Variants in PTPRN2 observed in about 807,000 individuals in gnomAD.
PTPRN2 encodes receptor-type tyrosine-protein phosphatase N2.
PTPRN2 carries 74 observed loss-of-function variants against 118.8 expected under a neutral mutation model. That is an observed-to-expected ratio of 0.62 (90% CI 0.52 to 0.76). The LOEUF (loss-of-function observed/expected upper bound fraction) is 0.76. PTPRN2 is among the 30% of genes least tolerant of loss of function. The probability of loss-of-function intolerance (pLI) is 0.00; values close to 1 mark genes in which losing one functional copy is unlikely to be tolerated. For missense variants in PTPRN2, 1,481 were observed against 1,394.4 expected (o/e 1.06, Z -0.99); for synonymous variants, 641 against 608.0 (o/e 1.05, Z -0.80).
chr7:157,728,618 G>A (rs921674166), intron 12 of PTPRN2, among the ~76,000 whole-genome samples: 1 of 152,252 alleles, frequency 6.6e-6, no homozygotes, highest in Admixed American at 6.5e-5. Flanking sequence ...CTTTTGAAGA[G>A]GTGGGGAAAG....
chr7:157,925,627 G>A (rs1000096299), intron 11 of PTPRN2, among the ~76,000 whole-genome samples: 1 of 152,174 alleles, frequency 6.6e-6, no homozygotes. Flanking sequence ...TGGGGCCACA[G>A]AGTGATGGGC....
chr7:157,816,887 C>G (rs1165686474), intron 12 of PTPRN2, among the ~76,000 whole-genome samples: 1 of 152,226 alleles, frequency 6.6e-6, no homozygotes, highest in Non-Finnish European at 1.5e-5. Flanking sequence ...TCTCTTTACT[C>G]AGGAATATCC....
intron 13 of PTPRN2, among the ~76,000 whole-genome samples, chr7:157,660,347 G>C (rs1453043654): frequency 6.6e-6 from 1 of 152,146 alleles, no homozygotes; most frequent in Non-Finnish European, 1.5e-5. Context: ...TCTGAGCTCT[G>C]TTATTTCCTG....
At chr7:157,542,868 G>A (rs1487284219) in intron 22 of PTPRN2, among the ~76,000 whole-genome samples, 1 of 152,224 alleles carries the variant, frequency 6.6e-6, no homozygotes, top group Non-Finnish European at 1.5e-5. Flanking sequence ...TTCCCGGAGG[G>A]GTGCTGTGAG....
At chr7:157,951,297 G>C (rs185862407) in intron 11 of PTPRN2, among the ~76,000 whole-genome samples, 14 of 152,196 alleles carry the variant, frequency 9.2e-5, no homozygotes, top group Admixed American at 9.2e-4. Flanking sequence ...TCCTTGCAAA[G>C]ATTATTTGGT....
intron 12 of PTPRN2, among the ~76,000 whole-genome samples, chr7:157,839,326 G>A (rs916732620): frequency 6.6e-6 from 1 of 152,210 alleles, no homozygotes; most frequent in African/African-American, 2.4e-5. Flanking sequence ...GTCCATATGT[G>A]TGGCTGCATG....
rs897020107 is a variant in PTPRN2 at position 157,611,924 on chromosome 7, T to G, written c.2345-7849A>C. Among the ~76,000 whole-genome samples, 1 of 152,020 alleles carries G rather than the reference T, an allele frequency of 6.6e-6. No individual in the cohort carries two copies. Among genetic ancestry groups the G allele is most frequent in the Non-Finnish European group, 1.5e-5 (1 of 68,002 alleles). ...GACACGCGGAGGGAGAGCGCCCGTG[T>G]GAAGACGAAGACAGCCGTGGTCGTG... On this transcript the variant is annotated intron_variant, in intron 15 of 22. Transcript: ENST00000389418. This position sits in a 1 kb window ranked among gnomAD's most constrained non-coding sequence, Gnocchi z 5.9.
At position 158,333,773 on chromosome 7, in the gene PTPRN2, C is replaced by G. The variant is rs575579482; in HGVS notation, c.164-16841G>C. ...CATAAGAGCTGACACCCGCAGACAT[C>G]ACTCACACACACACTCTCACCATAA... On this transcript the variant is annotated intron_variant, in intron 2 of 22. Coordinates refer to ENST00000389418, the MANE Select transcript of PTPRN2 (RefSeq NM_002847.5). Among the ~76,000 whole-genome samples the G allele has an allele frequency of 9.7e-4, 144 of 148,574 alleles. 2 individuals are homozygous for G. Among genetic ancestry groups the G allele is most frequent in the African/African-American group, 3.1e-3 (125 of 40,212 alleles).
chr7:158,061,579 CA>C (rs1810344898), intron 11 of PTPRN2, among the ~76,000 whole-genome samples: 1 of 152,216 alleles, frequency 6.6e-6, no homozygotes, highest in Non-Finnish European at 1.5e-5. Flanking sequence ...GTGGTGTCCA[CA>C]ATTACTTGTG....
intron 12 of PTPRN2, among the ~76,000 whole-genome samples, chr7:157,718,776 G>A (rs973114686): frequency 2.6e-5 from 4 of 152,130 alleles, no homozygotes; most frequent in South Asian, 2.1e-4. Flanking sequence ...GTCTCAGCAC[G>A]TCCAGGCGTC....
At chr7:157,656,821 AC>A (rs1806133888) in intron 13 of PTPRN2, among the ~76,000 whole-genome samples, 8 of 59,354 alleles carry the variant, frequency 1.3e-4, no homozygotes, top group Non-Finnish European at 2.8e-4. Flanking sequence ...ACACACATAC[AC>A]ACACACATAT....
At chr7:158,317,544 AACCAC>A (rs1183623008) in intron 2 of PTPRN2, among the ~76,000 whole-genome samples, 1 of 152,242 alleles carries the variant, frequency 6.6e-6, no homozygotes. Context: ...CATCCTTTCC[AACCAC>A]ACCTTCTAAT....
intron 4 of PTPRN2, among the ~76,000 whole-genome samples, chr7:158,201,400 C>G (rs1826639666): frequency 6.6e-6 from 1 of 152,118 alleles, no homozygotes; most frequent in Non-Finnish European, 1.5e-5. Flanking sequence ...TCGTGACTGA[C>G]TTTTCAGTCT....
Position 158,587,643 on chromosome 7 carries a change from C to T in PTPRN2, c.27G>A (p.Leu9=). The T allele has an allele frequency of 7.3e-7, 1 of 1,368,686 alleles. No individual in the cohort carries two copies. The highest frequency in any genetic ancestry group is 9.4e-7 in the Non-Finnish European group (1 of 1,063,754). The allele number at this position is 1,368,686 out of a possible 1,614,324, so 84.8% of individuals were successfully genotyped here. The change falls in exon 1 of 23, where the codon CTG becomes CTA. Residue 9 remains leucine, a synonymous_variant. Coordinates refer to ENST00000389418, the MANE Select transcript of PTPRN2 (RefSeq NM_002847.5). ...GTGGCGGCAGCAGCAGCAGTAGCAG[C>T]AGCAGCAGCGGGAGCGGCGGCCCCA... MGPPLPLL[L]LLLLLLPPRV... is the part of the protein sequence containing the mutation.
At position 157,690,030 on chromosome 7, in the gene PTPRN2, A is replaced by AC. The variant is rs1193115164; in HGVS notation, c.1789-7094dup. On this transcript the variant is annotated intron_variant, in intron 12 of 22. Transcript: ENST00000389418. This position sits in a 1 kb window ranked among gnomAD's most constrained non-coding sequence, Gnocchi z 7.1. ...ACACGCCTCCCATCTCCGTGCCTGC[A>AC]CCCCCCCACCCCCAGCACCCTGCAA... Among the ~76,000 whole-genome samples, 14 of 151,036 alleles carry AC rather than the reference A, an allele frequency of 9.3e-5. No homozygotes were observed. Among genetic ancestry groups the AC allele is most frequent in the East Asian group, 5.9e-4 (3 of 5,098 alleles).
intron 1 of PTPRN2, among the ~76,000 whole-genome samples, chr7:158,579,518 T>C (rs906468937): frequency 1.1e-4 from 16 of 152,338 alleles, no homozygotes; most frequent in African/African-American, 3.4e-4. Context: ...AGAGAGATTA[T>C]AGGTGAAGTC....
intron 2 of PTPRN2, among the ~76,000 whole-genome samples, chr7:158,329,243 G>A (rs1311882760): frequency 1.3e-5 from 2 of 152,196 alleles, no homozygotes; most frequent in Non-Finnish European, 2.9e-5. Flanking sequence ...GAGGTGAGGA[G>A]CAGGCTAGGA....
intron 10 of PTPRN2, among the ~76,000 whole-genome samples, chr7:158,103,870 T>A: frequency 6.7e-6 from 1 of 150,218 alleles, no homozygotes; most frequent in Non-Finnish European, 1.5e-5. Context: ...TTATTATTAT[T>A]TTTTTTTTTT....
chr7:158,475,606 A>G (rs1199792951), intron 2 of PTPRN2, among the ~76,000 whole-genome samples: 1 of 151,974 alleles, frequency 6.6e-6, no homozygotes, highest in Non-Finnish European at 1.5e-5. Context: ...GGGCACTCCA[A>G]TACCTTCTCG....
Sources: allele counts gnomAD v4.1 joint callset (sites outside exome capture counted in the v4.1 genomes callset), GRCh38; gene constraint gnomAD v4.1.1; non-coding constraint Gnocchi (gnomAD v3.1); transcripts MANE v1.5; gene names NCBI Gene and HGNC (gene_info 2026-07-23, HGNC 2026-07-21).